The following PRELID2 variants were observed in gnomAD, a reference collection of about 807,000 sequenced individuals.
The protein encoded by PRELID2 is PRELI domain-containing protein 2.
PRELID2 carries 25 observed loss-of-function variants against 28.4 expected under a neutral mutation model. That is an observed-to-expected ratio of 0.88 (90% CI 0.64 to 1.23). The LOEUF is 1.23. PRELID2 is among the 50% of genes most tolerant of loss of function. PRELID2 has a pLI of 0.00. For missense variants in PRELID2, 201 were observed against 214.4 expected (o/e 0.94, Z 0.39); for synonymous variants, 76 against 71.6 (o/e 1.06, Z -0.31).
At chr5:145,432,839 C>A in the PRELID2 span, among the ~76,000 whole-genome samples, 1 of 152,100 alleles carries the variant, frequency 6.6e-6, no homozygotes, top group Non-Finnish European at 1.5e-5. Context: ...AATCTCTGAA[C>A]CATGGAAGAA....
the PRELID2 span, among the ~76,000 whole-genome samples, chr5:145,434,251 C>G: frequency 6.6e-6 from 1 of 152,194 alleles, no homozygotes; most frequent in Admixed American, 6.5e-5. Flanking sequence ...ACTAAGAGCA[C>G]ACACTGCTAC....
In PRELID2 at chr5:145,734,899, T is replaced by C. The variant is rs536572698; in HGVS notation, n.70+30032A>G. Among the ~76,000 whole-genome samples, 32 of 152,320 alleles carry C rather than the reference T, an allele frequency of 2.1e-4. No individual in the cohort carries two copies. The South Asian group carries it at 2.7e-3, about 13-fold the overall frequency. On this transcript the variant is annotated intron_variant and non_coding_transcript_variant, in intron 1 of 2. Transcript: ENST00000510259. The stretch of plus-strand genomic sequence containing the variant: ...AAGCTTAGGCTTTTAAGGCTCCTGC[T>C]GAATCTGAGTTTCTCTATTTCCCAG...
chr5:145,446,374 T>A, the PRELID2 span, among the ~76,000 whole-genome samples: 1 of 152,052 alleles, frequency 6.6e-6, no homozygotes, highest in Non-Finnish European at 1.5e-5. Flanking sequence ...GAGAAGTGAT[T>A]ACTCAGACAA....
At chr5:145,271,887 T>C in the PRELID2 span, among the ~76,000 whole-genome samples, 1 of 152,186 alleles carries the variant, frequency 6.6e-6, no homozygotes, top group African/African-American at 2.4e-5. Context: ...TATTGAAGCA[T>C]TTTATCAGTC....
At chr5:145,422,238 G>C in the PRELID2 span, among the ~76,000 whole-genome samples, 1 of 150,498 alleles carries the variant, frequency 6.6e-6, no homozygotes, top group South Asian at 2.1e-4. Context: ...CTCTGTAGAT[G>C]TCTATTAGGT....
At chr5:145,456,584 T>A in the PRELID2 span, among the ~76,000 whole-genome samples, 2 of 152,152 alleles carry the variant, frequency 1.3e-5, no homozygotes, top group Admixed American at 6.5e-5. Context: ...ACAGTACTTA[T>A]CACAATGGGC....
At chr5:145,495,863 C>A (rs1281143063) in intron 1 of PRELID2, among the ~76,000 whole-genome samples, 3 of 152,104 alleles carry the variant, frequency 2.0e-5, no homozygotes, top group Non-Finnish European at 2.9e-5. Context: ...GGGTTTTGCA[C>A]CAGTTCTTTG....
At chr5:145,833,185 A>G (rs1446570385) in intron 1 of PRELID2, among the ~76,000 whole-genome samples, 1 of 152,220 alleles carries the variant, frequency 6.6e-6, no homozygotes, top group African/African-American at 2.4e-5. Context: ...AGAGTTTGGC[A>G]TTGTGTTATG....
the PRELID2 span, among the ~76,000 whole-genome samples, chr5:145,335,435 G>T: frequency 9.9e-5 from 15 of 151,178 alleles, no homozygotes; most frequent in African/African-American, 3.6e-4. Flanking sequence ...TAATTATTTT[G>T]AAAGTCTTTG....
the PRELID2 span, among the ~76,000 whole-genome samples, chr5:145,341,354 A>C: frequency 1.3e-5 from 2 of 152,142 alleles, no homozygotes; most frequent in African/African-American, 4.8e-5. Context: ...CAATACAAAA[A>C]ACTTAGAAAA....
chr5:145,632,325 TAC>T (rs536111819), intron 1 of PRELID2, among the ~76,000 whole-genome samples: 308 of 152,338 alleles, frequency 2.0e-3, no homozygotes, highest in African/African-American at 6.9e-3. Flanking sequence ...ACATTGCTCA[TAC>T]CCTTTCACCT....
intron 1 of PRELID2, among the ~76,000 whole-genome samples, chr5:145,573,010 T>C (rs114357693): frequency 6.6e-6 from 1 of 152,114 alleles, no homozygotes; most frequent in South Asian, 2.1e-4. Context: ...CAAGTATACA[T>C]AGCCCAACAA....
intron 1 of PRELID2, among the ~76,000 whole-genome samples, chr5:145,667,987 A>G (rs1170497995): frequency 6.6e-6 from 1 of 152,112 alleles, no homozygotes; most frequent in Non-Finnish European, 1.5e-5. Flanking sequence ...TTGATGCGCA[A>G]AAGCAAGTTT....
chr5:145,728,440 G>T, intron 1 of PRELID2: 1 of 579,192 alleles, frequency 1.7e-6, no homozygotes, highest in Admixed American at 2.5e-5. Context: ...ACAAAACAGG[G>T]ACCCCGGATC....
At chr5:145,324,813 G>T in the PRELID2 span, among the ~76,000 whole-genome samples, 1 of 152,040 alleles carries the variant, frequency 6.6e-6, no homozygotes, top group Admixed American at 6.6e-5. Context: ...TGCCTAGAGT[G>T]GTTAAATAAC....
At chr5:145,767,826 C>T (rs74793710) in intron 5 of PRELID2, among the ~76,000 whole-genome samples, 2,321 of 152,292 alleles carry the variant, frequency 0.015, 70 homozygotes, top group African/African-American at 0.053. Flanking sequence ...CAGCTTTACA[C>T]CATCTCTTCC....
At chr5:145,509,540 C>T (rs914459425) in intron 1 of PRELID2, among the ~76,000 whole-genome samples, 2 of 152,294 alleles carry the variant, frequency 1.3e-5, no homozygotes, top group Middle Eastern at 6.8e-3. Context: ...GGGCAAGGGC[C>T]ACCCTGCCTT....
the PRELID2 span, among the ~76,000 whole-genome samples, chr5:145,238,281 C>T: frequency 2.6e-5 from 4 of 152,064 alleles, no homozygotes; most frequent in African/African-American, 9.7e-5. Context: ...AATTGTTATC[C>T]CCATTTCACA....
chr5:145,255,311 GA>G, the PRELID2 span, among the ~76,000 whole-genome samples: 5 of 150,780 alleles, frequency 3.3e-5, no homozygotes, highest in Admixed American at 6.6e-5. Flanking sequence ...AAATCCAGTG[GA>G]AAAAAAATAC....
Sources: gnomAD v4.1 joint callset for allele counts (sites outside exome capture counted in the v4.1 genomes callset) on GRCh38, gnomAD v4.1.1 for gene constraint, MANE v1.5 for transcripts, NCBI Gene and HGNC (gene_info 2026-07-23, HGNC 2026-07-21) for gene names.